Variants in TMEFF2 observed in about 807,000 individuals in gnomAD.
TMEFF2 encodes the protein tomoregulin-2.
A neutral mutation model predicts 53.8 loss-of-function variants in TMEFF2; 28 were observed. The ratio of observed to expected loss-of-function variants is 0.52; its 90% confidence interval spans 0.39 to 0.71. The LOEUF (loss-of-function observed/expected upper bound fraction) is 0.71. TMEFF2 is among the 30% of genes least tolerant of loss of function. The probability of loss-of-function intolerance (pLI) is 0.00; values close to 1 mark genes in which losing one functional copy is unlikely to be tolerated. For missense variants in TMEFF2, 353 were observed against 455.2 expected (o/e 0.78, Z 2.04); for synonymous variants, 162 against 166.3 (o/e 0.97, Z 0.20).
chr2:192,014,315 A>G (rs1686699001), intron 5 of TMEFF2, among the ~76,000 whole-genome samples: 1 of 152,240 alleles, frequency 6.6e-6, no homozygotes, highest in South Asian at 2.1e-4. Context: ...GGCTACATGC[A>G]GTGCATACAA....
chr2:192,192,029 TAC>T (rs1423619036), intron 1 of TMEFF2, 40 bp from the exon 2 acceptor site: 1 of 1,385,222 alleles, frequency 7.2e-7, no homozygotes, highest in East Asian at 2.3e-5. Context: ...TAAAACATCT[TAC>T]AGATTTTTAA....
rs1691966362 is a variant in TMEFF2 at position 191,953,825 on chromosome 2, A to G, written c.882T>C (p.Gly294=). 1 of 1,610,280 alleles carries G rather than the reference A, an allele frequency of 6.2e-7. No homozygotes were observed. Among genetic ancestry groups the G allele is most frequent in the African/African-American group, 1.3e-5 (1 of 74,602 alleles). Reference sequence around the variant, plus strand: ...TTTTTTCACAGTGTTGTCCAGTATAACCAGCATCACACCTGGAAGAAATTA... The same window carrying G: ...TTTTTTCACAGTGTTGTCCAGTATAGCCAGCATCACACCTGGAAGAAATTA... ...MQEPSCRCDA[G]YTGQHCEKKD... Residue 294 remains glycine (G), a synonymous_variant, in exon 9 of 10, where the codon GGT becomes GGC. Transcript: ENST00000272771.
intron 4 of TMEFF2, among the ~76,000 whole-genome samples, chr2:192,093,677 G>C (rs1348514129): frequency 6.6e-6 from 1 of 152,058 alleles, no homozygotes; most frequent in Non-Finnish European, 1.5e-5. Context: ...TGTATCATCT[G>C]ATAATGAGTA....
intron 4 of TMEFF2, among the ~76,000 whole-genome samples, chr2:192,121,270 T>C (rs956706735): frequency 1.3e-5 from 2 of 152,140 alleles, no homozygotes; most frequent in Admixed American, 1.3e-4. Context: ...ATGCCATAGT[T>C]TGAAAAGAAA....
intron 5 of TMEFF2, among the ~76,000 whole-genome samples, chr2:192,001,415 T>C (rs1211093944): frequency 2.0e-5 from 3 of 152,148 alleles, no homozygotes; most frequent in Non-Finnish European, 4.4e-5. Flanking sequence ...TATATATATA[T>C]ACAGTGTACA....
At chr2:192,162,014 CTT>C (rs1690645897) in intron 4 of TMEFF2, among the ~76,000 whole-genome samples, 1 of 152,098 alleles carries the variant, frequency 6.6e-6, no homozygotes, top group African/African-American at 2.4e-5. Context: ...ACATAACAAC[CTT>C]GAAGAAGAAA....
At chr2:192,035,713 C>T (rs1217362801) in intron 5 of TMEFF2, among the ~76,000 whole-genome samples, 2 of 152,126 alleles carry the variant, frequency 1.3e-5, no homozygotes, top group Non-Finnish European at 1.5e-5. Context: ...TTTATCTGAA[C>T]TCCTGCAGCT....
At chr2:192,053,385 G>C (rs1687820934) in intron 5 of TMEFF2, among the ~76,000 whole-genome samples, 1 of 152,062 alleles carries the variant, frequency 6.6e-6, no homozygotes, top group Non-Finnish European at 1.5e-5. Context: ...AAGTACTTAA[G>C]AATGTTTGAA....
intron 5 of TMEFF2, among the ~76,000 whole-genome samples, chr2:192,041,628 T>C (rs1308502349): frequency 6.6e-6 from 1 of 152,148 alleles, no homozygotes; most frequent in Non-Finnish European, 1.5e-5. Context: ...ACCCGAGACC[T>C]GAAAACATAC....
At chr2:192,026,235 G>C (rs1008810501) in intron 5 of TMEFF2, among the ~76,000 whole-genome samples, 4 of 152,130 alleles carry the variant, frequency 2.6e-5, no homozygotes, top group African/African-American at 9.7e-5. Flanking sequence ...TTGGCTGCCA[G>C]ACCTTCCTGG....
At chr2:192,056,272 AAGAG>A (rs1329958457) in intron 5 of TMEFF2, among the ~76,000 whole-genome samples, 3 of 152,090 alleles carry the variant, frequency 2.0e-5, no homozygotes, top group East Asian at 1.9e-4. Context: ...AAAAAAGAAA[AAGAG>A]AGAAATAATA....
At chr2:192,030,928 G>A (rs897293626) in intron 5 of TMEFF2, among the ~76,000 whole-genome samples, 9 of 152,110 alleles carry the variant, frequency 5.9e-5, no homozygotes, top group Non-Finnish European at 8.8e-5. Context: ...TGGGCGGGGC[G>A]GGGAGTTGAT....
intron 4 of TMEFF2, among the ~76,000 whole-genome samples, chr2:192,151,419 T>C (rs1324252570): frequency 6.6e-6 from 1 of 151,900 alleles, no homozygotes; most frequent in East Asian, 1.9e-4. Flanking sequence ...TATGTATAAC[T>C]GTTTAGAAAA....
At chr2:192,140,608 A>G (rs1690114515) in intron 4 of TMEFF2, among the ~76,000 whole-genome samples, 1 of 152,116 alleles carries the variant, frequency 6.6e-6, no homozygotes, top group African/African-American at 2.4e-5. Context: ...TGGGGGTGAA[A>G]GGTCGGTGAG....
chr2:192,082,855 G>A (rs550003058), intron 4 of TMEFF2, among the ~76,000 whole-genome samples: 5 of 151,972 alleles, frequency 3.3e-5, no homozygotes, highest in South Asian at 2.1e-4. Flanking sequence ...CAAAAAAAAC[G>A]GAAGAGAGTA....
chr2:192,089,010 T>C (rs1182970610), intron 4 of TMEFF2, among the ~76,000 whole-genome samples: 2 of 152,168 alleles, frequency 1.3e-5, no homozygotes, highest in African/African-American at 4.8e-5. Flanking sequence ...TTGATATTTG[T>C]ATCTCTTAAG....
intron 7 of TMEFF2, among the ~76,000 whole-genome samples, chr2:191,996,633 C>T (rs1167687070): frequency 6.6e-6 from 1 of 151,800 alleles, no homozygotes; most frequent in Admixed American, 6.6e-5. Context: ...TACTGCAAAA[C>T]ATGCCACAAA....
chr2:192,161,449 G>T (rs1484220679), intron 4 of TMEFF2, among the ~76,000 whole-genome samples: 1 of 152,112 alleles, frequency 6.6e-6, no homozygotes, highest in Non-Finnish European at 1.5e-5. Flanking sequence ...CACCTCACCG[G>T]CCTGAAACAG....
chr2:191,992,692 C>T (rs890797523), intron 7 of TMEFF2: 1 of 151,906 alleles, frequency 6.6e-6, no homozygotes, highest in African/African-American at 2.4e-5. Context: ...TTTATTAATG[C>T]AGGATTACTC....
Sources: allele counts gnomAD v4.1 joint callset (sites outside exome capture counted in the v4.1 genomes callset), GRCh38; gene constraint gnomAD v4.1.1; transcripts MANE v1.5; gene names NCBI Gene and HGNC (gene_info 2026-07-23, HGNC 2026-07-21).